The following DLGAP2 variants were observed in gnomAD, a reference collection of about 807,000 sequenced individuals.
DLGAP2 encodes disks large-associated protein 2.
Under a neutral mutation model 100.3 loss-of-function variants are expected in DLGAP2, and 26 were observed. That is an observed-to-expected ratio of 0.26 (90% CI 0.19 to 0.36). The LOEUF is 0.36. DLGAP2 is among the 10% of genes least tolerant of loss of function. The pLI is 1.00. For missense variants in DLGAP2, 1,858 were observed against 1,453.2 expected (o/e 1.28, Z -4.53); for synonymous variants, 886 against 630.1 (o/e 1.41, Z -6.08).
chr8:768,117 C>T (rs1821261548), intron 1 of DLGAP2, among the ~76,000 whole-genome samples: 1 of 152,086 alleles, frequency 6.6e-6, no homozygotes, highest in Non-Finnish European at 1.5e-5. Flanking sequence ...CAGGGAGATA[C>T]AGGTCCCCTC....
chr8:1,213,872 A>G (rs1798158135), intron 2 of DLGAP2, among the ~76,000 whole-genome samples: 1 of 152,208 alleles, frequency 6.6e-6, no homozygotes, highest in East Asian at 1.9e-4. Flanking sequence ...AGCACATGGC[A>G]GACTCCGCCC....
intron 5 of DLGAP2, among the ~76,000 whole-genome samples, chr8:1,558,647 A>G (rs567884754): frequency 6.6e-6 from 1 of 151,812 alleles, no homozygotes; most frequent in South Asian, 2.1e-4. Flanking sequence ...TTACACATAC[A>G]TAAACACACA....
intron 3 of DLGAP2, among the ~76,000 whole-genome samples, chr8:1,361,820 G>T (rs987351188): frequency 4.6e-5 from 7 of 152,204 alleles, no homozygotes; most frequent in African/African-American, 1.7e-4. Context: ...AATTCTAAGA[G>T]AAACGTGCTC....
intron 2 of DLGAP2, among the ~76,000 whole-genome samples, chr8:1,094,774 G>C (rs112873922): frequency 6.6e-6 from 1 of 152,200 alleles, no homozygotes; most frequent in Non-Finnish European, 1.5e-5. Flanking sequence ...TTCTCTTAGC[G>C]TGGGCATGGC....
chr8:1,010,160 C>G lies in DLGAP2; in HGVS notation c.73+102194C>G, dbSNP rs147053290. ...ACTTAACTACATATATGCACACACA[C>G]CTATGCACACACAGACACATGCACA... On this transcript the variant is annotated intron_variant, in intron 2 of 14. Transcript: ENST00000637795. 1.8e-3 allele frequency among the ~76,000 whole-genome samples: 278 copies of G among 152,334 alleles called. 2 individuals are homozygous for G. The highest frequency in any genetic ancestry group is 6.4e-3 in the African/African-American group (266 of 41,570).
rs1038227670 is a variant in DLGAP2, at chr8:765,537, C to T, written c.18+27712C>T. 3.9e-5 allele frequency among the ~76,000 whole-genome samples: 6 copies of T among 152,252 alleles called. No homozygotes were observed. The South Asian group carries it at 8.3e-4, about 21-fold the overall frequency. The stretch of plus-strand genomic sequence containing the variant: ...TGACTCAAATGACATTGGAATACAG[C>T]AGCCCTTGGGGCAGGCAAATGTCAG... On this transcript the variant is annotated intron_variant, in intron 1 of 14. Coordinates refer to ENST00000637795, the MANE Select transcript of DLGAP2 (RefSeq NM_001346810.2).
intron 1 of DLGAP2, among the ~76,000 whole-genome samples, chr8:797,148 C>G (rs1041923474): frequency 2.6e-5 from 4 of 152,184 alleles, no homozygotes; most frequent in African/African-American, 9.7e-5. Flanking sequence ...GAACACGACC[C>G]TGTAGTCACC....
At chr8:1,161,893 C>T (rs372274942) in intron 2 of DLGAP2, among the ~76,000 whole-genome samples, 64 of 152,356 alleles carry the variant, frequency 4.2e-4, no homozygotes, top group East Asian at 2.1e-3. Flanking sequence ...TCGAAGGAGA[C>T]GTGGTTCCCA....
chr8:1,360,817 C>A (rs2129655752), intron 3 of DLGAP2, among the ~76,000 whole-genome samples: 1 of 152,312 alleles, frequency 6.6e-6, no homozygotes, highest in East Asian at 1.9e-4. Context: ...GAAACAGTCG[C>A]CCTGAGGCAG....
chr8:752,465 C>T (rs985240130), intron 1 of DLGAP2, among the ~76,000 whole-genome samples: 3 of 152,140 alleles, frequency 2.0e-5, no homozygotes, highest in Non-Finnish European at 4.4e-5. Flanking sequence ...CAATCTCGGT[C>T]GTGCCGCCAG....
chr8:783,583 T>A (rs1411326697), intron 1 of DLGAP2, among the ~76,000 whole-genome samples: 1 of 152,086 alleles, frequency 6.6e-6, no homozygotes, highest in Non-Finnish European at 1.5e-5. Flanking sequence ...GGCTGTGATA[T>A]GAGATGGTTT....
At chr8:1,567,892 A>G (rs1584935606) in intron 6 of DLGAP2, among the ~76,000 whole-genome samples, 1 of 152,290 alleles carries the variant, frequency 6.6e-6, no homozygotes, top group African/African-American at 2.4e-5. Context: ...AGCCCTTAAC[A>G]CCTGACCAGA....
chr8:1,569,187 C>G (rs917034397), intron 6 of DLGAP2, among the ~76,000 whole-genome samples: 8 of 152,276 alleles, frequency 5.3e-5, no homozygotes, highest in African/African-American at 1.7e-4. Flanking sequence ...TCCACTCTGC[C>G]TATGGCCCCC....
At chr8:1,459,619 A>G (rs1563162365) in intron 3 of DLGAP2, among the ~76,000 whole-genome samples, 1 of 152,044 alleles carries the variant, frequency 6.6e-6, no homozygotes, top group Non-Finnish European at 1.5e-5. Context: ...GAGCAGGCCT[A>G]GAGCACTCAC....
At chr8:1,310,704 C>G (rs536477243) in intron 3 of DLGAP2, among the ~76,000 whole-genome samples, 2 of 152,160 alleles carry the variant, frequency 1.3e-5, no homozygotes, top group East Asian at 3.9e-4. Flanking sequence ...GTCACCCAGG[C>G]TGGAGTGCAG....
chr8:1,202,365 C>T (rs1052952550), intron 2 of DLGAP2, among the ~76,000 whole-genome samples: 3 of 151,628 alleles, frequency 2.0e-5, no homozygotes, highest in African/African-American at 4.9e-5. Flanking sequence ...CCTCTTGGCA[C>T]CTGTTGTGCT....
Position 1,294,992 on chromosome 8 carries a change from A to C in DLGAP2, c.106+36109A>C, listed in dbSNP as rs571776436. The stretch of plus-strand genomic sequence containing the variant: ...CAAGATATTTAAACTTCACTTGAGG[A>C]AAAAAGGAGCCATATAATCATTGTT... On this transcript the variant is annotated intron_variant, in intron 3 of 14. Coordinates refer to ENST00000637795, the MANE Select transcript of DLGAP2 (RefSeq NM_001346810.2). Among the ~76,000 whole-genome samples the C allele has an allele frequency of 2.0e-5, 3 of 152,220 alleles. No homozygotes were observed. In the East Asian group the frequency reaches 5.8e-4, roughly 29 times the overall value.
At chr8:1,242,043 G>A (rs536772392) in intron 2 of DLGAP2, among the ~76,000 whole-genome samples, 1 of 152,306 alleles carries the variant, frequency 6.6e-6, no homozygotes, top group Admixed American at 6.5e-5. Flanking sequence ...GATGATTGGC[G>A]TATATTCCAG....
intron 2 of DLGAP2, among the ~76,000 whole-genome samples, chr8:1,186,660 C>G (rs1332281692): frequency 2.0e-5 from 3 of 152,046 alleles, no homozygotes; most frequent in Admixed American, 6.5e-5. Context: ...TATGACCATT[C>G]CCTTTTTGTC....
Sources: gnomAD v4.1 joint callset for allele counts (sites outside exome capture counted in the v4.1 genomes callset) on GRCh38, gnomAD v4.1.1 for gene constraint, MANE v1.5 for transcripts, NCBI Gene and HGNC (gene_info 2026-07-23, HGNC 2026-07-21) for gene names.